The following CCDC158 variants were observed in gnomAD, a reference collection of about 807,000 sequenced individuals.
CCDC158 encodes the protein coiled-coil domain-containing protein 158.
CCDC158 carries 116 observed loss-of-function variants against 138.6 expected under a neutral mutation model. That is an observed-to-expected ratio of 0.84 (90% CI 0.72 to 0.98). The LOEUF is 0.98. Among genes scored for constraint, CCDC158 ranks in the 50% least tolerant of loss-of-function variants. CCDC158 has a pLI of 0.00. For missense variants in CCDC158, 1,265 were observed against 1,306.1 expected (o/e 0.97, Z 0.48); for synonymous variants, 436 against 442.4 (o/e 0.99, Z 0.18).
chr4:76,383,569 C>A, intron 7 of CCDC158, 93 bp downstream of exon 7: 2 of 854,978 alleles, frequency 2.3e-6, no homozygotes, highest in South Asian at 1.5e-5. Flanking sequence ...TTATGTGTTT[C>A]AGAGCTGTTT....
Position 76,323,283 on chromosome 4 carries a change from C to T in CCDC158, c.3277+19G>A. On this transcript the variant is annotated intron_variant, in intron 24 of 24. Transcript: ENST00000682701. ...ATTCTCATGAGCGAGGAAGATCTCTCCAAAAACGTACACTGTACCTTGGTT... is the reference window on the plus strand; with the variant it reads ...ATTCTCATGAGCGAGGAAGATCTCTTCAAAAACGTACACTGTACCTTGGTT... The T allele has an allele frequency of 2.6e-6, 4 of 1,566,110 alleles. No homozygotes were observed. Among genetic ancestry groups the T allele is most frequent in the Non-Finnish European group, 3.5e-6 (4 of 1,142,814 alleles).
At chr4:76,367,101 G>A (rs1311423295) in intron 12 of CCDC158, among the ~76,000 whole-genome samples, 193 bp downstream of exon 12, 2 of 151,624 alleles carry the variant, frequency 1.3e-5, no homozygotes, top group East Asian at 2.0e-4. Context: ...AGCCATTTTC[G>A]AGTCATCCAT....
At chr4:76,314,098 C>G (rs1046446946) in intron 24 of CCDC158, among the ~76,000 whole-genome samples, 2 of 152,136 alleles carry the variant, frequency 1.3e-5, no homozygotes, top group Non-Finnish European at 2.9e-5. Context: ...ATTTCTGGGT[C>G]AAAGCGTAAA....
chr4:76,418,093 C>T (rs148968101), intron 1 of CCDC158, among the ~76,000 whole-genome samples: 16 of 152,278 alleles, frequency 1.1e-4, no homozygotes, highest in Non-Finnish European at 1.3e-4. Flanking sequence ...TTATTCTAAA[C>T]GCAACGCAAA....
At chr4:76,327,548 T>C (rs1036406334) in intron 22 of CCDC158, among the ~76,000 whole-genome samples, 3 of 152,204 alleles carry the variant, frequency 2.0e-5, no homozygotes, top group African/African-American at 7.2e-5. Flanking sequence ...GGTAAGTATT[T>C]ATTTATCTAA....
intron 12 of CCDC158, among the ~76,000 whole-genome samples, chr4:76,366,638 A>ACACACACACACACACACAC (rs34680628): frequency 1.7e-4 from 25 of 147,972 alleles, no homozygotes; most frequent in East Asian, 9.9e-4. Flanking sequence ...CACACACACA[A>ACACACACACACACACACAC]ACACACACAC....
At chr4:76,345,036 A>G in intron 18 of CCDC158, 1 of 1,379,484 alleles carries the variant, frequency 7.2e-7, no homozygotes, top group South Asian at 1.2e-5. Flanking sequence ...AATTATTACA[A>G]TAGGATCAAC....
chr4:76,358,270 G>T (rs28564518), intron 13 of CCDC158, among the ~76,000 whole-genome samples: 4,463 of 152,146 alleles, frequency 0.029, 218 homozygotes, highest in African/African-American at 0.1. Flanking sequence ...ACCACTAAGT[G>T]CTGTTGATTT....
At position 76,421,035 on chromosome 4, in the gene CCDC158, C is replaced by G. The variant is rs1403996923; in HGVS notation, c.-187G>C. On this transcript the variant is annotated 5_prime_UTR_variant, in exon 1 of 25. Transcript: ENST00000682701. ...GGCGCCGGCGGGCGCAGCGGCCCCACCTACGTCGACCTGGCGGCTGGGACG... is the reference window on the plus strand; with the variant it reads ...GGCGCCGGCGGGCGCAGCGGCCCCAGCTACGTCGACCTGGCGGCTGGGACG... Among the ~76,000 whole-genome samples the G allele has an allele frequency of 6.6e-6, 1 of 152,168 alleles. No individual in the cohort carries two copies. Among genetic ancestry groups the G allele is most frequent in the East Asian group, 2.0e-4 (1 of 5,122 alleles).
intron 2 of CCDC158, among the ~76,000 whole-genome samples, chr4:76,410,107 C>T (rs923282253): frequency 2.0e-5 from 3 of 152,138 alleles, no homozygotes; most frequent in Non-Finnish European, 4.4e-5. Flanking sequence ...ATAATCCTCA[C>T]CTTGATTTCT....
chr4:76,320,726 T>C (rs1560778614), intron 24 of CCDC158, among the ~76,000 whole-genome samples: 1 of 152,128 alleles, frequency 6.6e-6, no homozygotes, highest in Non-Finnish European at 1.5e-5. Flanking sequence ...GCTGGAATAA[T>C]TGGCAAGTGG....
Position 76,351,015 on chromosome 4 carries a change from G to A in CCDC158, c.2645C>T (p.Thr882Ile), listed in dbSNP as rs1722988453. 3 of 1,613,658 alleles carry A rather than the reference G, an allele frequency of 1.9e-6. No homozygotes were observed. Among genetic ancestry groups the A allele is most frequent in the Non-Finnish European group, 2.5e-6 (3 of 1,179,796 alleles). The change falls in exon 18 of 25, where the codon ACA becomes ATA. Residue 882 changes from threonine to isoleucine, a missense_variant. Physicochemically the swap from Thr to Ile is moderately conservative, Grantham distance 89. Transcript: ENST00000682701. ...SHSNVPSSQSTASFLSHHSTK... is the reference protein window; with the variant it reads ...SHSNVPSSQSIASFLSHHSTK... ...ACTTACATGAGACAGGAAGCTGGCT[G>A]TAGACTGCGAAGATGGTACATTAGA...
chr4:76,375,688 G>C (rs1470639925), intron 9 of CCDC158: 1 of 696,618 alleles, frequency 1.4e-6, no homozygotes, highest in Admixed American at 2.0e-5. Context: ...TCGTAAAGGG[G>C]AATTCTGGAG....
chr4:76,379,401 C>T lies in CCDC158; in HGVS notation c.918G>A (p.Glu306=). 1.9e-6 allele frequency: 3 copies of T among 1,588,928 alleles called. No individual in the cohort carries two copies. Among genetic ancestry groups the T allele is most frequent in the Non-Finnish European group, 2.6e-6 (3 of 1,168,208 alleles). ...SIQSQMEIIQ[E]QARNQNSMYM... is the part of the protein sequence containing the mutation. ...ACATAGAGTTTTGGTTTCTTGCTTG[C>T]TCTCTAAGAAGAGTTTAGAAGGGGA... is the stretch of plus-strand genomic sequence containing the variant. Residue 306 remains glutamate, a synonymous_variant, in exon 9 of 25, where the codon GAG becomes GAA. Transcript: ENST00000682701.
At chr4:76,329,128 T>C (rs1349123040) in intron 21 of CCDC158, among the ~76,000 whole-genome samples, 161 bp from the exon 22 acceptor site, 1 of 152,206 alleles carries the variant, frequency 6.6e-6, no homozygotes, top group Non-Finnish European at 1.5e-5. Flanking sequence ...AAGAGGTAGG[T>C]TCAAAGTTGC....
chr4:76,401,487 A>C (rs543125506), intron 3 of CCDC158: 42 of 261,738 alleles, frequency 1.6e-4, no homozygotes, highest in Non-Finnish European at 2.6e-4. Flanking sequence ...CTGCAGATCT[A>C]AGAGAACGCT....
chr4:76,413,580 A>G (rs985197020), intron 1 of CCDC158, among the ~76,000 whole-genome samples: 1 of 152,082 alleles, frequency 6.6e-6, no homozygotes. Context: ...CAAGGTGGAG[A>G]TGGATTTTCT....
intron 20 of CCDC158, 36 bp from the exon 21 acceptor site, chr4:76,331,439 A>G: frequency 6.4e-7 from 1 of 1,570,278 alleles, no homozygotes; most frequent in Non-Finnish European, 8.8e-7. Flanking sequence ...CACAGTTTAA[A>G]TAATGTTATT....
At chr4:76,333,544 T>A (rs1303139848) in intron 19 of CCDC158, among the ~76,000 whole-genome samples, 1 of 152,210 alleles carries the variant, frequency 6.6e-6, no homozygotes, top group Non-Finnish European at 1.5e-5. Context: ...TTGGCATGAA[T>A]ACAGAGAAAA....
Sources: gnomAD v4.1 joint callset for allele counts (sites outside exome capture counted in the v4.1 genomes callset) on GRCh38, gnomAD v4.1.1 for gene constraint, MANE v1.5 for transcripts, NCBI Gene and HGNC (gene_info 2026-07-23, HGNC 2026-07-21) for gene names.